CAPN8: variants seen among roughly 807,000 people sequenced by gnomAD.
The protein encoded by CAPN8 is calpain 8, also known as calpain-8.
In CAPN8, 87 loss-of-function variants were observed where a neutral mutation model predicts 80.9. The observed-to-expected ratio is 1.07, with a 90% confidence interval of 0.90 to 1.28. The LOEUF is 1.28. Ranked by LOEUF, CAPN8 falls within the 50% of genes most tolerant of loss-of-function variation. CAPN8 has a pLI of 0.00. For synonymous variants in CAPN8, 299 were observed against 273.8 expected, an observed-to-expected ratio of 1.09 and a Z score of -0.91; for missense variants, 757 against 702.0, an observed-to-expected ratio of 1.08 and a Z score of -0.89.
chr1:223,654,821 A>G (rs1044632292), intron 1 of CAPN8, among the ~76,000 whole-genome samples: 1 of 149,152 alleles, frequency 6.7e-6, no homozygotes, highest in African/African-American at 2.5e-5. Flanking sequence ...GATTACAGGC[A>G]CGTGCCACCA....
intron 9 of CAPN8, among the ~76,000 whole-genome samples, 155 bp downstream of exon 9, chr1:223,619,138 G>A (rs1261419485): frequency 6.6e-6 from 1 of 152,180 alleles, no homozygotes; most frequent in South Asian, 2.1e-4. Flanking sequence ...AGGTTGTGAT[G>A]AGCAGAGATC....
chr1:223,613,287 C>A (rs1310718963), intron 10 of CAPN8, among the ~76,000 whole-genome samples: 1 of 152,218 alleles, frequency 6.6e-6, no homozygotes, highest in Admixed American at 6.5e-5. Flanking sequence ...GTAGAAGAGT[C>A]CAGGGTCACA....
intron 11 of CAPN8, among the ~76,000 whole-genome samples, chr1:223,612,012 A>G (rs1467029757): frequency 2.0e-5 from 3 of 152,186 alleles, no homozygotes; most frequent in Admixed American, 6.5e-5. Flanking sequence ...GGGCATGGGG[A>G]AAAAGGTCAC....
chr1:223,620,424 A>C (rs1657350226), intron 7 of CAPN8, among the ~76,000 whole-genome samples, 158 bp from the exon 8 acceptor site: 1 of 152,214 alleles, frequency 6.6e-6, no homozygotes, highest in African/African-American at 2.4e-5. Flanking sequence ...GCGCGAGCAC[A>C]CTGTCTGGGG....
chr1:223,616,478 C>A (rs1211016962), intron 9 of CAPN8, among the ~76,000 whole-genome samples: 1 of 152,222 alleles, frequency 6.6e-6, no homozygotes, highest in Non-Finnish European at 1.5e-5. Context: ...CCAAGTCTTC[C>A]TGGGGAAAGA....
chr1:223,551,089 G>T, intron 14 of CAPN8, 72 bp from the exon 15 acceptor site: 1 of 700,898 alleles, frequency 1.4e-6, no homozygotes, highest in Non-Finnish European at 2.6e-6. Context: ...AATTAATGCA[G>T]TGCTTCCTCA....
intron 6 of CAPN8, among the ~76,000 whole-genome samples, chr1:223,624,331 T>G (rs1461443308): frequency 6.6e-6 from 1 of 152,232 alleles, no homozygotes; most frequent in African/African-American, 2.4e-5. Flanking sequence ...CAAAATTAAT[T>G]TCTCAATTAT....
intron 1 of CAPN8, among the ~76,000 whole-genome samples, chr1:223,658,453 C>T (rs1658555417): frequency 6.6e-6 from 1 of 152,164 alleles, no homozygotes; most frequent in African/African-American, 2.4e-5. Flanking sequence ...CATACACACA[C>T]ACCAAGGAAT....
At chr1:223,651,248 G>A (rs6677146) in intron 2 of CAPN8, among the ~76,000 whole-genome samples, 26,965 of 152,104 alleles carry the variant, frequency 0.18, 2,988 homozygotes, top group East Asian at 0.29. Flanking sequence ...AGGCCTGAGC[G>A]TTGTGGGAGG....
Position 223,665,470 on chromosome 1 carries a change from G to A in CAPN8, c.177C>T (p.Gly59=). Residue 59 remains glycine (G), a synonymous_variant, in exon 1 of 21, where the codon GGC becomes GGT. Coordinates refer to ENST00000366872, the MANE Select transcript of CAPN8 (RefSeq NM_001143962.2). ...GAGAGCCTGGTCCAAGATCCTTGTA[G>A]CCCAAAGCTGATGGACATGCTGGGA... ...PEFPACPSAL[G]YKDLGPGSPQ... 6.4e-7 allele frequency: 1 copy of A among 1,552,062 alleles called. No individual in the cohort carries two copies. The highest frequency in any genetic ancestry group is 1.2e-5 in the South Asian group (1 of 84,052).
At chr1:223,632,705 A>G (rs1657806975) in intron 2 of CAPN8, among the ~76,000 whole-genome samples, 1 of 152,218 alleles carries the variant, frequency 6.6e-6, no homozygotes. Flanking sequence ...AGCAGTCAGG[A>G]GGCTTTGACA....
chr1:223,656,359 C>G (rs1354624889), intron 1 of CAPN8, among the ~76,000 whole-genome samples: 1 of 152,040 alleles, frequency 6.6e-6, no homozygotes, highest in Non-Finnish European at 1.5e-5. Flanking sequence ...ATCCCAGCTA[C>G]TCAGGAGGCT....
intron 16 of CAPN8, among the ~76,000 whole-genome samples, chr1:223,548,523 C>T (rs1268604429): frequency 6.6e-6 from 1 of 152,140 alleles, no homozygotes; most frequent in Admixed American, 6.5e-5. Context: ...GGGTGGAACC[C>T]TCAGAAATGA....
At chr1:223,546,359 G>T (rs1656622430) in intron 16 of CAPN8, among the ~76,000 whole-genome samples, 1 of 152,134 alleles carries the variant, frequency 6.6e-6, no homozygotes. Flanking sequence ...AATAGCCACT[G>T]CACTCCAGCC....
intron 17 of CAPN8, 157 bp downstream of exon 17, chr1:223,545,074 G>T (rs1290721805): frequency 7.1e-7 from 1 of 1,408,408 alleles, no homozygotes; most frequent in Non-Finnish European, 9.6e-7. Flanking sequence ...TGGCATGAGA[G>T]TCTCTCATTG....
intron 18 of CAPN8, 112 bp downstream of exon 18, chr1:223,544,660 C>T: frequency 9.0e-6 from 13 of 1,449,552 alleles, no homozygotes; most frequent in Non-Finnish European, 1.2e-5. Flanking sequence ...GCCTTGATAT[C>T]CCATATAAGA....
rs987452755 is a variant in CAPN8 at position 223,543,004 on chromosome 1, G to A, written c.2088+104C>T. On this transcript the variant is annotated intron_variant, in intron 20 of 20. Transcript: ENST00000366872. ...CACAGAACATGCATGGTATTCACATGGAACTAAGACAGCCAACAGGAATAA... is the reference window on the plus strand; with the variant it reads ...CACAGAACATGCATGGTATTCACATAGAACTAAGACAGCCAACAGGAATAA... The A allele has an allele frequency of 8.9e-5, 115 of 1,291,008 alleles. No individual in the cohort carries two copies. In the African/African-American group the frequency reaches 1.3e-3, roughly 15 times the overall value. 80.0% of individuals were successfully genotyped at this position (1,291,008 alleles called of 1,614,324 possible).
chr1:223,554,005 T>C, intron 13 of CAPN8, 105 bp from the exon 14 acceptor site: 1 of 396,142 alleles, frequency 2.5e-6, no homozygotes, highest in Non-Finnish European at 4.5e-6. Flanking sequence ...ATGATGCACC[T>C]ACTATGTGCC....
chr1:223,543,073 T>A, intron 20 of CAPN8, 35 bp downstream of exon 20: 1 of 1,550,808 alleles, frequency 6.4e-7, no homozygotes, highest in East Asian at 2.4e-5. Context: ...CAGAGTACCA[T>A]CAGCCAGCAA....
Sources: allele counts gnomAD v4.1 joint callset (sites outside exome capture counted in the v4.1 genomes callset), GRCh38; gene constraint gnomAD v4.1.1; transcripts MANE v1.5; gene names NCBI Gene and HGNC (gene_info 2026-07-23, HGNC 2026-07-21).